Variants in UTP25 observed in about 807,000 individuals in gnomAD.
UTP25 encodes the protein UTP25 small subunit processome component.
A neutral mutation model predicts 78.9 loss-of-function variants in UTP25; 50 were observed. The observed-to-expected ratio is 0.63, with a 90% CI of 0.50 to 0.80. The LOEUF (loss-of-function observed/expected upper bound fraction) is 0.80, where lower values mean the gene tolerates loss of function less well. UTP25 is among the 30% of genes least tolerant of loss of function. UTP25 has a pLI of 0.00. For missense variants in UTP25, 846 were observed against 911.3 expected, an observed-to-expected ratio of 0.93 and a Z score of 0.92; for synonymous variants, 329 against 336.5, an observed-to-expected ratio of 0.98 and a Z score of 0.24.
Position 209,854,309 on chromosome 1 carries a change from T to C in UTP25, c.*2862T>C, listed in dbSNP as rs1319072. The C allele has an allele frequency of 0.17, 26,505 of 152,220 alleles. 2,469 individuals carry two copies. The highest frequency in any genetic ancestry group is 0.22 in the South Asian group (1,055 of 4,822). 9.4% of individuals were successfully genotyped at this position (152,220 alleles called of 1,614,324 possible). On this transcript the variant is annotated 3_prime_UTR_variant, in exon 12 of 12. Coordinates refer to ENST00000491415, the MANE Select transcript of UTP25 (RefSeq NM_014388.7). ...TTTCCCATAGTTAAAACAACCAGCTTAGCACTTTTCTTTTTGAGAGAGAAA... is the reference window on the plus strand; with the variant it reads ...TTTCCCATAGTTAAAACAACCAGCTCAGCACTTTTCTTTTTGAGAGAGAAA...
chr1:209,843,431 C>G lies in UTP25; in HGVS notation c.1782-20C>G, dbSNP rs374507478. On this transcript the variant is annotated intron_variant, in intron 10 of 11. Coordinates refer to ENST00000491415, the MANE Select transcript of UTP25 (RefSeq NM_014388.7). ...GCTTAGCTCTAGACATTAATTTTGC[C>G]CTTTGCCATTCCAAATCAGGTTTAA... 6.2e-7 allele frequency: 1 copy of G among 1,612,442 alleles called. No individual in the cohort carries two copies. Among genetic ancestry groups the G allele is most frequent in the Non-Finnish European group, 8.5e-7 (1 of 1,179,076 alleles).
Position 209,828,130 on chromosome 1 carries a change from C to T in UTP25, c.67C>T (p.His23Tyr), listed in dbSNP as rs2078078803. 6.2e-7 allele frequency: 1 copy of T among 1,614,184 alleles called. No individual in the cohort carries two copies. The highest frequency in any genetic ancestry group is 8.5e-7 in the Non-Finnish European group (1 of 1,180,028). The change falls in exon 1 of 12, where the codon CAT (histidine) becomes TAT (tyrosine). Residue 23 changes from histidine to tyrosine, a missense_variant. Transcript: ENST00000491415. ...LNTLTKKQKK[H>Y]LRDFGEEHPF... ...CACCCTAACTAAAAAGCAGAAGAAA[C>T]ATCTTCGAGATTTCGGCGAGGAGCA...
At chr1:209,846,866 T>G (rs918190658) in intron 11 of UTP25, among the ~76,000 whole-genome samples, 3 of 152,160 alleles carry the variant, frequency 2.0e-5, no homozygotes, top group Non-Finnish European at 4.4e-5. Context: ...CACTTAACAG[T>G]TTTATTGTTT....
Position 209,837,073 on chromosome 1 carries a change from T to A in UTP25, c.924T>A (p.His308Gln). Residue 308 changes from histidine (H) to glutamine (Q), a missense_variant, in exon 6 of 12, where the codon CAT becomes CAA. His to Gln is a conservative substitution (Grantham distance 24, BLOSUM62 0). Coordinates refer to ENST00000491415, the MANE Select transcript of UTP25 (RefSeq NM_014388.7). ...TALKNGEEIR[H>Q]VYCLHVINHI... ...TGAAGAACGGGGAAGAGATCCGCCATGTGTATTGCCTGCATGTGATAAATC... is the reference window on the plus strand; with the variant it reads ...TGAAGAACGGGGAAGAGATCCGCCAAGTGTATTGCCTGCATGTGATAAATC... 6.2e-7 allele frequency: 1 copy of A among 1,614,172 alleles called. No homozygotes were observed. Among genetic ancestry groups the A allele is most frequent in the Non-Finnish European group, 8.5e-7 (1 of 1,180,014 alleles).
intron 1 of UTP25, among the ~76,000 whole-genome samples, chr1:209,828,401 A>ATTTTTTTGTGGGGGAGGATTTT (rs2078082384): frequency 7.3e-6 from 1 of 136,404 alleles, no homozygotes; most frequent in African/African-American, 2.8e-5. Flanking sequence ...GTGGGGGAGG[A>ATTTTTTTGTGGGGGAGGATTTT]TTTTTTTTTT....
Position 209,828,036 on chromosome 1 carries a change from G to GC in UTP25, c.-27dup, listed in dbSNP as rs1558050111. The GC allele has an allele frequency of 2.5e-6, 4 of 1,591,364 alleles. No homozygotes were observed. In the South Asian group the frequency reaches 4.4e-5, roughly 18 times the overall value. On this transcript the variant is annotated 5_prime_UTR_variant, in exon 1 of 12. Transcript: ENST00000491415. The stretch of plus-strand genomic sequence containing the variant: ...TTCCTGGTGGAAAACCGCGACTCTT[G>GC]CAAGTGGGCAAACTTGACGTTTTCG...
chr1:209,841,189 C>A, intron 8 of UTP25, 134 bp downstream of exon 8: 2 of 897,822 alleles, frequency 2.2e-6, no homozygotes, highest in Non-Finnish European at 3.3e-6. Context: ...ACACACTCCA[C>A]ATTTTCTAAT....
rs149364714 is a variant in UTP25, at chr1:209,840,937, G to A, written c.1367G>A (p.Arg456Lys). Residue 456 changes from arginine to lysine, a missense_variant, in exon 8 of 12, where the codon AGG becomes AAG. Coordinates refer to ENST00000491415, the MANE Select transcript of UTP25 (RefSeq NM_014388.7). The part of the protein sequence containing the change: ...DILIASPLGL[R>K]TIIGGEGEKK... ...CTCATTGCTTCCCCCCTGGGCTTGA[G>A]GACCATCATTGGTGGAGAAGGAGAG... 9.9e-6 allele frequency: 16 copies of A among 1,613,944 alleles called. No individual in the cohort carries two copies. Among genetic ancestry groups the A allele is most frequent in the African/African-American group, 9.3e-5 (7 of 74,938 alleles).
At chr1:209,850,776 A>T (rs553857809) in intron 11 of UTP25, among the ~76,000 whole-genome samples, 1 of 152,244 alleles carries the variant, frequency 6.6e-6, no homozygotes, top group Non-Finnish European at 1.5e-5. Flanking sequence ...GAGTGTATTT[A>T]CAATCTGTAC....
At chr1:209,831,087 A>G in intron 3 of UTP25, 44 bp downstream of exon 3, 1 of 1,602,288 alleles carries the variant, frequency 6.2e-7, no homozygotes, top group Non-Finnish European at 8.5e-7. Flanking sequence ...CCAGAACTAT[A>G]GACAGTTCAT....
intron 6 of UTP25, among the ~76,000 whole-genome samples, chr1:209,837,957 C>T (rs917970729): frequency 1.3e-5 from 2 of 152,106 alleles, no homozygotes; most frequent in African/African-American, 4.8e-5. Context: ...ACTAATGTGG[C>T]CTTTAGAGAT....
At chr1:209,847,841 C>T (rs2078207477) in intron 11 of UTP25, among the ~76,000 whole-genome samples, 2 of 152,230 alleles carry the variant, frequency 1.3e-5, no homozygotes, top group Non-Finnish European at 2.9e-5. Context: ...CCTTCGTTCA[C>T]AGGACAGCCC....
rs762147245 is a variant in UTP25 at position 209,833,237 on chromosome 1, G to A, written c.441G>A (p.Pro147=). The A allele has an allele frequency of 1.3e-5, 21 of 1,613,738 alleles. No homozygotes were observed. The highest frequency in any genetic ancestry group is 8.0e-5 in the African/African-American group (6 of 74,876). Residue 147 remains proline (P), a synonymous_variant, in exon 4 of 12, where the codon CCG becomes CCA. Coordinates refer to ENST00000491415, the MANE Select transcript of UTP25 (RefSeq NM_014388.7). ...GAAAAGAAGATGGGGAAGAGCCACCGGGCACATCACAAACATCCCCCGAAG... is the reference window on the plus strand; with the variant it reads ...GAAAAGAAGATGGGGAAGAGCCACCAGGCACATCACAAACATCCCCCGAAG... ...PEGKEDGEEP[P]GTSQTSPEEF...
chr1:209,849,861 G>A (rs937414914), intron 11 of UTP25, among the ~76,000 whole-genome samples: 2 of 152,192 alleles, frequency 1.3e-5, no homozygotes, highest in African/African-American at 4.8e-5. Flanking sequence ...TAGTTCCTGT[G>A]TCCCGTTTTT....
intron 8 of UTP25, among the ~76,000 whole-genome samples, chr1:209,841,882 C>T (rs1414808992): frequency 6.6e-6 from 1 of 152,238 alleles, no homozygotes; most frequent in East Asian, 1.9e-4. Context: ...GACACTGCAA[C>T]TATTCCTAAT....
chr1:209,851,558 C>G lies in UTP25; in HGVS notation c.*111C>G. The G allele has an allele frequency of 2.9e-6, 4 of 1,368,872 alleles. No individual in the cohort carries two copies. In the South Asian group the frequency reaches 6.0e-5, roughly 21 times the overall value. The allele number at this position is 1,368,872 out of a possible 1,614,324, so 84.8% of individuals were successfully genotyped here. A position where few individuals can be genotyped will look rare whatever the true frequency, so the allele number is the denominator to read the frequency against. On this transcript the variant is annotated 3_prime_UTR_variant, in exon 12 of 12. Transcript: ENST00000491415. ...AAGAAGGACTGATACAAAGAAAGTG[C>G]ATGAGGCAATGTCAGTATTATCTGA... is the stretch of plus-strand genomic sequence containing the variant.
In UTP25 at chr1:209,856,244, C is replaced by G. The variant is rs1447813656; in HGVS notation, c.*4797C>G. ...CTATTGTTTGCCCTATATCCACCTA[C>G]TTCCCTAGTTCCAGAACGCTGGACT... is the stretch of plus-strand genomic sequence containing the variant. On this transcript the variant is annotated 3_prime_UTR_variant, in exon 12 of 12. Coordinates refer to ENST00000491415, the MANE Select transcript of UTP25 (RefSeq NM_014388.7). 6.6e-6 allele frequency: 1 copy of G among 152,240 alleles called. No individual in the cohort carries two copies. Among genetic ancestry groups the G allele is most frequent in the African/African-American group, 2.4e-5 (1 of 41,458 alleles). The allele number at this position is 152,240 out of a possible 1,614,324, so 9.4% of individuals were successfully genotyped here. A position where few individuals can be genotyped will look rare whatever the true frequency, so the allele number is the denominator to read the frequency against.
rs1402289986 is a variant in UTP25 at position 209,852,454 on chromosome 1, G to A, written c.*1007G>A. 6.6e-6 allele frequency: 1 copy of A among 152,198 alleles called. No individual in the cohort carries two copies. Among genetic ancestry groups the A allele is most frequent in the African/African-American group, 2.4e-5 (1 of 41,438 alleles). The allele number at this position is 152,198 out of a possible 1,614,324, so 9.4% of individuals were successfully genotyped here. A position where few individuals can be genotyped will look rare whatever the true frequency, so the allele number is the denominator to read the frequency against. ...GTCTGGTCCCAAGCATTTCAGATAA[G>A]AGATATTCAACTCATCCTAGTATGG... On this transcript the variant is annotated 3_prime_UTR_variant, in exon 12 of 12. Coordinates refer to ENST00000491415, the MANE Select transcript of UTP25 (RefSeq NM_014388.7).
intron 1 of UTP25, among the ~76,000 whole-genome samples, chr1:209,828,479 A>C (rs1354936712): frequency 1.3e-5 from 2 of 149,106 alleles, no homozygotes; most frequent in African/African-American, 5.0e-5. Context: ...GGCTCACTGC[A>C]ACCTCTGTCT....
Sources: allele counts gnomAD v4.1 joint callset (sites outside exome capture counted in the v4.1 genomes callset), GRCh38; gene constraint gnomAD v4.1.1; transcripts MANE v1.5; gene names NCBI Gene and HGNC (gene_info 2026-07-23, HGNC 2026-07-21).